RNF182: variants seen among roughly 807,000 people sequenced by gnomAD.
RNF182 encodes ring finger protein 182.
In RNF182, 15 loss-of-function variants were observed where a neutral mutation model predicts 14.4. That is an observed-to-expected ratio of 1.04 (90% CI 0.70 to 1.60). The LOEUF is 1.60. RNF182 is among the 40% of genes most tolerant of loss of function. The pLI, the probability that RNF182 is intolerant of heterozygous loss-of-function variation, is 0.00. For synonymous variants in RNF182, 128 were observed against 122.9 expected (o/e 1.04, Z -0.27); for missense variants, 268 against 294.8 (o/e 0.91, Z 0.67).
chr6:13,965,715 A>G (rs968250686), intron 1 of RNF182, among the ~76,000 whole-genome samples: 4 of 152,232 alleles, frequency 2.6e-5, no homozygotes, highest in Admixed American at 6.5e-5. Flanking sequence ...TCTAGGCCCT[A>G]CTTGCTCACC....
At chr6:13,936,289 C>A (rs779238676) in intron 1 of RNF182, among the ~76,000 whole-genome samples, 17 of 152,194 alleles carry the variant, frequency 1.1e-4, no homozygotes, top group Non-Finnish European at 2.1e-4. Flanking sequence ...TTAATGTTTT[C>A]CCTTTCCCTA....
chr6:13,979,827 A>C lies in RNF182; in HGVS notation c.*1964A>C, dbSNP rs548749166. 2.4e-5 allele frequency: 4 copies of C among 167,142 alleles called. No individual in the cohort carries two copies. In the East Asian group the frequency reaches 5.8e-4, roughly 24 times the overall value. 10.4% of individuals were successfully genotyped at this position (167,142 alleles called of 1,614,324 possible). ...TCTCTGTATAATGTCTACAGTGATA[A>C]ACTTGTGTCTCCGTGTATTGTGGCA... is the stretch of plus-strand genomic sequence containing the variant. On this transcript the variant is annotated 3_prime_UTR_variant, in exon 3 of 3. Coordinates refer to ENST00000488300, the MANE Select transcript of RNF182 (RefSeq NM_152737.4).
chr6:13,963,007 T>C (rs1399021385), intron 1 of RNF182, among the ~76,000 whole-genome samples: 1 of 152,174 alleles, frequency 6.6e-6, no homozygotes, highest in Non-Finnish European at 1.5e-5. Flanking sequence ...TATTTTGACT[T>C]TTTTTGTCCT....
intron 1 of RNF182, among the ~76,000 whole-genome samples, chr6:13,930,966 G>C (rs186435612): frequency 6.6e-6 from 1 of 152,318 alleles, no homozygotes; most frequent in Non-Finnish European, 1.5e-5. Flanking sequence ...ATGCCTTTCT[G>C]CTGCAGTGAA....
chr6:13,951,463 G>A (rs1232757674), intron 1 of RNF182, among the ~76,000 whole-genome samples: 1 of 152,188 alleles, frequency 6.6e-6, no homozygotes, highest in African/African-American at 2.4e-5. Context: ...CCTTCCAGGT[G>A]GTCAAGAACA....
At chr6:13,950,609 G>C (rs1476575355) in intron 1 of RNF182, among the ~76,000 whole-genome samples, 1 of 149,062 alleles carries the variant, frequency 6.7e-6, no homozygotes, top group Admixed American at 6.8e-5. Flanking sequence ...CAATTCTCGT[G>C]CCTCAACCTC....
chr6:13,949,485 A>G, intron 1 of RNF182: 1 of 596,936 alleles, frequency 1.7e-6, no homozygotes, highest in Non-Finnish European at 3.1e-6. Flanking sequence ...GCTGGTTATA[A>G]GAAAAAATTA....
intron 1 of RNF182, among the ~76,000 whole-genome samples, chr6:13,930,807 C>T (rs932262252): frequency 2.0e-5 from 3 of 152,188 alleles, no homozygotes; most frequent in African/African-American, 2.4e-5. Flanking sequence ...TGATTGTCAC[C>T]ATAATTCTTG....
intron 1 of RNF182, among the ~76,000 whole-genome samples, chr6:13,944,683 T>G (rs972966666): frequency 1.3e-5 from 2 of 152,362 alleles, no homozygotes; most frequent in Middle Eastern, 3.4e-3. Context: ...CCAGGTGTGC[T>G]ATATCTGTTA....
At chr6:13,969,361 G>A (rs1284908974) in intron 1 of RNF182, among the ~76,000 whole-genome samples, 1 of 152,090 alleles carries the variant, frequency 6.6e-6, no homozygotes, top group African/African-American at 2.4e-5. Flanking sequence ...ACTAATCCTT[G>A]TGAGTAGGGG....
At chr6:13,939,628 C>T (rs1198927248) in intron 1 of RNF182, among the ~76,000 whole-genome samples, 1 of 152,148 alleles carries the variant, frequency 6.6e-6, no homozygotes, top group Non-Finnish European at 1.5e-5. Flanking sequence ...GCTGCAAGCC[C>T]TGCCTCCCAG....
At chr6:13,959,763 T>G (rs1387637658) in intron 1 of RNF182, among the ~76,000 whole-genome samples, 1 of 152,044 alleles carries the variant, frequency 6.6e-6, no homozygotes, top group African/African-American at 2.4e-5. Flanking sequence ...AACAATTTGG[T>G]GGTAGTGAGA....
At chr6:13,934,429 A>G (rs1275451414) in intron 1 of RNF182, among the ~76,000 whole-genome samples, 1 of 152,192 alleles carries the variant, frequency 6.6e-6, no homozygotes, top group Non-Finnish European at 1.5e-5. Context: ...TGTTTTAATG[A>G]CATCTGCTGG....
At chr6:13,966,824 G>A (rs527257766) in intron 1 of RNF182, among the ~76,000 whole-genome samples, 1 of 119,590 alleles carries the variant, frequency 8.4e-6, no homozygotes, top group African/African-American at 2.9e-5. Context: ...TTGTGTGTGT[G>A]CGCGTGCGTG....
rs1196955443 is a variant in RNF182, at chr6:13,938,923, A to C, written c.-367+13900A>C. 2.0e-5 allele frequency among the ~76,000 whole-genome samples: 3 copies of C among 152,128 alleles called. No homozygotes were observed. The East Asian group carries it at 5.8e-4, about 29-fold the overall frequency. On this transcript the variant is annotated intron_variant, in intron 1 of 2. Transcript: ENST00000488300. ...CATGGTGAAACCCCGTCTCTACTAA[A>C]AATACAAAAATAAGCCAGGTGTGGT...
intron 1 of RNF182, among the ~76,000 whole-genome samples, chr6:13,926,402 T>G (rs982119050): frequency 3.3e-5 from 5 of 152,242 alleles, no homozygotes; most frequent in Non-Finnish European, 7.3e-5. Context: ...GCCTGCTGAT[T>G]ACTAGGTTTC....
chr6:13,948,710 T>A (rs553023256), intron 1 of RNF182, among the ~76,000 whole-genome samples: 1 of 152,328 alleles, frequency 6.6e-6, no homozygotes, highest in Non-Finnish European at 1.5e-5. Flanking sequence ...TAAAACACTT[T>A]ATGTTATAAA....
chr6:13,963,022 TC>T (rs1340068742), intron 1 of RNF182, among the ~76,000 whole-genome samples: 1 of 152,182 alleles, frequency 6.6e-6, no homozygotes, highest in Non-Finnish European at 1.5e-5. Flanking sequence ...TGTCCTGACT[TC>T]TTATGTAATC....
rs763067940 is a variant in RNF182, at chr6:13,977,304, TTGTC to T, written c.190_193del (p.Cys64LeufsTer25). ...TTTGGGGACTCCCCACAAGGTGTCA[TTGTC>T]TGTCCTTTCTGCAGGTTTGAGACGT... On this transcript the variant is annotated frameshift_variant, in exon 3 of 3. Coordinates refer to ENST00000488300, the MANE Select transcript of RNF182 (RefSeq NM_152737.4). LOFTEE classifies it high-confidence loss of function. The T allele has an allele frequency of 1.9e-6, 3 of 1,614,188 alleles. No homozygotes were observed. Among genetic ancestry groups the T allele is most frequent in the South Asian group, 2.2e-5 (2 of 91,086 alleles).
Sources: gnomAD v4.1 joint callset for allele counts (sites outside exome capture counted in the v4.1 genomes callset) on GRCh38, gnomAD v4.1.1 for gene constraint, MANE v1.5 for transcripts, NCBI Gene and HGNC (gene_info 2026-07-23, HGNC 2026-07-21) for gene names.